The following GALNT13 variants were observed in gnomAD, a reference collection of about 807,000 sequenced individuals.
The protein encoded by GALNT13 is UDP-GalNAc:polypeptide N-acetylgalactosaminyltransferase 13.
In GALNT13, 28 loss-of-function variants were observed where a neutral mutation model predicts 64.2. The ratio of observed to expected loss-of-function variants is 0.44; its 90% confidence interval spans 0.32 to 0.60. The LOEUF is 0.60. GALNT13 is among the 20% of genes least tolerant of loss of function. The probability of loss-of-function intolerance (pLI) is 0.05; values close to 1 mark genes in which losing one functional copy is unlikely to be tolerated. For missense variants in GALNT13, 577 were observed against 669.8 expected, an observed-to-expected ratio of 0.86 and a Z score of 1.53; for synonymous variants, 214 against 224.6, an observed-to-expected ratio of 0.95 and a Z score of 0.42.
the GALNT13 span, among the ~76,000 whole-genome samples, chr2:153,487,646 G>T: frequency 6.6e-6 from 1 of 152,214 alleles, no homozygotes; most frequent in Non-Finnish European, 1.5e-5. Context: ...GGCACTGGGA[G>T]AGTGGTAATG....
intron 3 of GALNT13, among the ~76,000 whole-genome samples, chr2:154,118,344 G>T (rs1681727068): frequency 7.5e-6 from 1 of 133,956 alleles, no homozygotes. Context: ...TAACTATGCT[G>T]TCTATCTTTT....
intron 3 of GALNT13, among the ~76,000 whole-genome samples, chr2:154,089,564 TG>T (rs1240757324): frequency 9.2e-5 from 14 of 152,030 alleles, no homozygotes; most frequent in Non-Finnish European, 2.1e-4. Flanking sequence ...TGAGAAACAC[TG>T]GTGCTCTGCC....
chr2:154,136,204 A>C (rs1682940525), intron 3 of GALNT13, among the ~76,000 whole-genome samples: 3 of 152,228 alleles, frequency 2.0e-5, no homozygotes, highest in South Asian at 4.1e-4. Flanking sequence ...ACAGAAAGTA[A>C]CAACTGAGTA....
chr2:153,984,091 G>A (rs1694641950), intron 3 of GALNT13, among the ~76,000 whole-genome samples: 1 of 151,218 alleles, frequency 6.6e-6, no homozygotes, highest in South Asian at 2.1e-4. Flanking sequence ...TTTATTTATA[G>A]AAGCTACAAC....
chr2:153,857,784 T>C, the GALNT13 span, among the ~76,000 whole-genome samples: 1 of 152,180 alleles, frequency 6.6e-6, no homozygotes, highest in East Asian at 1.9e-4. Flanking sequence ...GATTTTAATT[T>C]TTTTAGGTAT....
chr2:153,404,120 A>G, the GALNT13 span, among the ~76,000 whole-genome samples: 2 of 152,170 alleles, frequency 1.3e-5, no homozygotes, highest in Non-Finnish European at 2.9e-5. Context: ...AGTGGCTTGT[A>G]TCAGTCCAGG....
At chr2:153,903,433 A>C (rs1436975325) in intron 2 of GALNT13, among the ~76,000 whole-genome samples, 1 of 152,056 alleles carries the variant, frequency 6.6e-6, no homozygotes, top group Non-Finnish European at 1.5e-5. Context: ...AACTGCAATT[A>C]CTTTTGCATC....
At chr2:153,516,683 T>C in the GALNT13 span, among the ~76,000 whole-genome samples, 1 of 151,918 alleles carries the variant, frequency 6.6e-6, no homozygotes, top group African/African-American at 2.4e-5. Context: ...AAAGGGAAAA[T>C]TCTCCCTAGG....
the GALNT13 span, among the ~76,000 whole-genome samples, chr2:153,561,641 C>CTGTGTGTGTGTGTGTG: frequency 0.014 from 2,097 of 146,546 alleles, 16 homozygotes; most frequent in African/African-American, 0.026. Flanking sequence ...GATGTTCAAC[C>CTGTGTGTGTGTGTGTG]TGTGTGTGTG....
chr2:154,017,799 T>G (rs1220409792), intron 3 of GALNT13, among the ~76,000 whole-genome samples: 1 of 152,202 alleles, frequency 6.6e-6, no homozygotes, highest in Non-Finnish European at 1.5e-5. Flanking sequence ...ATATGCACAT[T>G]GTGGAGTTTA....
the GALNT13 span, among the ~76,000 whole-genome samples, chr2:153,688,996 GT>G: frequency 2.6e-5 from 1 of 38,044 alleles, no homozygotes; most frequent in African/African-American, 6.5e-5. Context: ...GTAGGGGTGT[GT>G]GTGTGTGTGT....
At chr2:154,364,112 C>A (rs1697229582) in intron 9 of GALNT13, among the ~76,000 whole-genome samples, 1 of 151,972 alleles carries the variant, frequency 6.6e-6, no homozygotes, top group Non-Finnish European at 1.5e-5. Flanking sequence ...TTGTATTATC[C>A]TTACAGAATT....
the GALNT13 span, among the ~76,000 whole-genome samples, chr2:153,684,830 T>C: frequency 2.6e-5 from 4 of 151,698 alleles, no homozygotes; most frequent in African/African-American, 7.2e-5. Context: ...AAAGGCCCCA[T>C]TGTGTGTTGT....
chr2:153,696,508 A>G, the GALNT13 span, among the ~76,000 whole-genome samples: 1 of 152,188 alleles, frequency 6.6e-6, no homozygotes, highest in African/African-American at 2.4e-5. Flanking sequence ...AATATTAACC[A>G]TCACACCTAC....
the GALNT13 span, among the ~76,000 whole-genome samples, chr2:153,286,002 T>C: frequency 2.0e-5 from 3 of 152,212 alleles, no homozygotes; most frequent in Non-Finnish European, 4.4e-5. Context: ...GTAGGATGTT[T>C]ATGTGGCAAT....
At chr2:154,282,739 GA>G (rs1333254231) in intron 8 of GALNT13, among the ~76,000 whole-genome samples, 4 of 152,092 alleles carry the variant, frequency 2.6e-5, no homozygotes, top group South Asian at 2.1e-4. Flanking sequence ...GTATTGGAAA[GA>G]ATCCTCAGGT....
chr2:153,153,019 C>T, the GALNT13 span, among the ~76,000 whole-genome samples: 107 of 152,302 alleles, frequency 7.0e-4, 1 homozygote, highest in South Asian at 5.6e-3. Context: ...ATTTACACTC[C>T]TACCAACGGT....
Position 153,932,937 on chromosome 2 carries a change from T to A in GALNT13, c.-104-11457T>A, listed in dbSNP as rs113778785. Among the ~76,000 whole-genome samples the A allele has an allele frequency of 2.7e-3, 416 of 152,268 alleles. 9 individuals are homozygous for A. The East Asian group carries it at 0.055, about 20-fold the overall frequency. On this transcript the variant is annotated intron_variant, in intron 2 of 12. Transcript: ENST00000392825. ...GCCACTGTGCCTGGCCCGACAGATC[T>A]TCTTAGTTTTGATTTCTATTTTTAT...
chr2:153,940,631 C>CA (rs1167119006), intron 2 of GALNT13, among the ~76,000 whole-genome samples: 7 of 152,098 alleles, frequency 4.6e-5, no homozygotes, highest in African/African-American at 1.7e-4. Context: ...GGTATTTTTT[C>CA]AGGGCTTACT....
Sources: gnomAD v4.1 joint callset for allele counts (sites outside exome capture counted in the v4.1 genomes callset) on GRCh38, gnomAD v4.1.1 for gene constraint, MANE v1.5 for transcripts, NCBI Gene and HGNC (gene_info 2026-07-23, HGNC 2026-07-21) for gene names.